Variants in STRA6 observed in about 807,000 individuals in gnomAD.
STRA6 encodes the protein receptor for retinol uptake STRA6.
Under a neutral mutation model 83.6 loss-of-function variants are expected in STRA6, and 48 were observed. The ratio of observed to expected loss-of-function variants is 0.57; its 90% confidence interval spans 0.46 to 0.73. The LOEUF (loss-of-function observed/expected upper bound fraction) is 0.73. Ranked by LOEUF, STRA6 falls within the 30% of genes least tolerant of loss-of-function variation. The pLI, the probability that STRA6 is intolerant of heterozygous loss-of-function variation, is 0.00. For synonymous variants in STRA6, 353 were observed against 362.3 expected (o/e 0.97, Z 0.29); for missense variants, 760 against 838.8 (o/e 0.91, Z 1.16).
At position 74,202,135 on chromosome 15, in the gene STRA6, T is replaced by C; in HGVS notation, c.113+20A>G. ...CATTCTGATGGCTGACAGAGTGAGG[T>C]GGGGTGGTTCCACACTTACCCCTCT... On this transcript the variant is annotated intron_variant, in intron 2 of 18. Transcript: ENST00000395105. 1 of 1,471,984 alleles carries C rather than the reference T, an allele frequency of 6.8e-7. No individual in the cohort carries two copies. The highest frequency in any genetic ancestry group is 9.0e-7 in the Non-Finnish European group (1 of 1,112,118). The allele number at this position is 1,471,984 out of a possible 1,614,324, so 91.2% of individuals were successfully genotyped here.
upstream of STRA6, among the ~76,000 whole-genome samples, chr15:74,207,496 C>T (rs1309701530): frequency 6.6e-6 from 1 of 152,192 alleles, no homozygotes; most frequent in African/African-American, 2.4e-5. Flanking sequence ...ACAAGATGTT[C>T]AAAAGCCTGT....
chr15:74,201,319 T>C (rs1259661790), intron 2 of STRA6, among the ~76,000 whole-genome samples: 1 of 152,114 alleles, frequency 6.6e-6, no homozygotes, highest in African/African-American at 2.4e-5. Flanking sequence ...CAGCCTCACC[T>C]TTCTACTTCT....
intron 12 of STRA6, among the ~76,000 whole-genome samples, chr15:74,186,267 T>C (rs1266498622): frequency 6.6e-6 from 1 of 152,236 alleles, no homozygotes; most frequent in Non-Finnish European, 1.5e-5. Context: ...CAGAAATGAA[T>C]TGAAATCAAC....
chr15:74,191,792 C>T (rs763600186), intron 8 of STRA6: 92 of 491,690 alleles, frequency 1.9e-4, no homozygotes, highest in Non-Finnish European at 3.0e-4. Flanking sequence ...CATCTCTTCA[C>T]CGTTTCTTCC....
At chr15:74,202,559 C>T in intron 1 of STRA6, 154 bp downstream of exon 1, 1 of 1,469,816 alleles carries the variant, frequency 6.8e-7, no homozygotes, top group Non-Finnish European at 9.0e-7. Context: ...CTTGGGGCCC[C>T]GGGGCTCCCG....
In STRA6 at chr15:74,180,875, C is replaced by T. The variant is rs2072943607; in HGVS notation, c.1747G>A (p.Ala583Thr). 16 of 1,614,088 alleles carry T rather than the reference C, an allele frequency of 9.9e-6. No individual in the cohort carries two copies. Among genetic ancestry groups the T allele is most frequent in the Non-Finnish European group, 1.4e-5 (16 of 1,180,008 alleles). Residue 583 changes from alanine (A) to threonine (T), a missense_variant, in exon 18 of 19, where the codon GCC (alanine) becomes ACC (threonine). By Grantham distance (58) the Ala-to-Thr change is moderately conservative. Coordinates refer to ENST00000395105, the MANE Select transcript of STRA6 (RefSeq NM_022369.4). Reference protein sequence around the residue: ...EVSQSHPAMTAFCSLLLQAQS... With the variant: ...EVSQSHPAMTTFCSLLLQAQS... ...GCTTGCAGGAGCAGGGAGCAGAAGG[C>T]TGTCATGGCTGGATGCGACTGGCTG...
intron 14 of STRA6, 85 bp from the exon 15 acceptor site, chr15:74,182,545 T>C (rs2073049659): frequency 1.7e-6 from 2 of 1,170,712 alleles, no homozygotes; most frequent in Admixed American, 2.0e-5. Context: ...CCAAGGGCTT[T>C]GGGATTGGGC....
At chr15:74,197,609 T>G in intron 3 of STRA6, 143 bp downstream of exon 3, 2 of 1,273,692 alleles carry the variant, frequency 1.6e-6, no homozygotes, top group Non-Finnish European at 2.2e-6. Flanking sequence ...GGTTTGGGCC[T>G]CCAAGCTGGG....
intron 7 of STRA6, 103 bp downstream of exon 7, chr15:74,195,199 G>A: frequency 1.3e-6 from 2 of 1,544,288 alleles, no homozygotes; most frequent in Non-Finnish European, 1.7e-6. Flanking sequence ...ATGGAAGGCT[G>A]CAGGGCGGCC....
At chr15:74,189,540 C>G (rs2073428374) in intron 11 of STRA6, among the ~76,000 whole-genome samples, 1 of 152,142 alleles carries the variant, frequency 6.6e-6, no homozygotes. Flanking sequence ...TCTGTGGGTT[C>G]CACATCCACA....
chr15:74,200,273 G>A (rs1210828152), intron 2 of STRA6, among the ~76,000 whole-genome samples: 1 of 152,198 alleles, frequency 6.6e-6, no homozygotes, highest in Non-Finnish European at 1.5e-5. Flanking sequence ...AAGAAGGGGA[G>A]AGGCAGCTCC....
At chr15:74,194,033 G>C in intron 7 of STRA6, 111 bp from the exon 8 acceptor site, 3 of 1,531,684 alleles carry the variant, frequency 2.0e-6, no homozygotes, top group Non-Finnish European at 2.7e-6. Flanking sequence ...GGTCTGGGGG[G>C]CCATGGGAAG....
chr15:74,204,261 G>A (rs1216646272), upstream of STRA6, among the ~76,000 whole-genome samples: 2 of 152,242 alleles, frequency 1.3e-5, no homozygotes, highest in Admixed American at 6.5e-5. Flanking sequence ...CGGAGGGCGG[G>A]ACTCTATCCC....
rs754439362 is a variant in STRA6, at chr15:74,191,159, C to A, written c.865+8G>T. The A allele has an allele frequency of 6.2e-7, 1 of 1,613,808 alleles. No homozygotes were observed. The highest frequency in any genetic ancestry group is 8.5e-7 in the Non-Finnish European group (1 of 1,179,936). The stretch of plus-strand genomic sequence containing the variant: ...TGTCACGCTCGGCCTCAGCTCCCAA[C>A]CCCATACCTGGCTGTGGAGTGTAGA... On this transcript the variant is annotated splice_region_variant and intron_variant, in intron 10 of 18. Transcript: ENST00000395105.
At chr15:74,208,475 T>C (rs1169814987) in intron 1 of STRA6, among the ~76,000 whole-genome samples, 2 of 152,090 alleles carry the variant, frequency 1.3e-5, no homozygotes, top group African/African-American at 4.8e-5. Flanking sequence ...TCCCCTGACT[T>C]CTCTCTCCTT....
upstream of STRA6, chr15:74,209,568 C>G (rs1434175631): frequency 3.8e-6 from 3 of 793,144 alleles, no homozygotes; most frequent in African/African-American, 5.2e-5. Context: ...TGAAAAAGGC[C>G]CCCTCGGAGC....
chr15:74,203,876 C>T (rs1010201694), upstream of STRA6, among the ~76,000 whole-genome samples: 5 of 151,064 alleles, frequency 3.3e-5, no homozygotes, highest in South Asian at 2.1e-4. Flanking sequence ...GGGGAAAGTC[C>T]GCTGAGCAGA....
At chr15:74,194,658 T>G in intron 7 of STRA6, 1 of 829,046 alleles carries the variant, frequency 1.2e-6, no homozygotes, top group Non-Finnish European at 1.6e-6. Context: ...CTAGGGACTG[T>G]TTGTCTTGTT....
chr15:74,184,874 C>G, intron 13 of STRA6, 106 bp downstream of exon 13: 1 of 1,157,344 alleles, frequency 8.6e-7, no homozygotes, highest in Non-Finnish European at 1.3e-6. Flanking sequence ...CAGCCCGGGC[C>G]GGCAGAGCCC....
Sources: gnomAD v4.1 joint callset for allele counts (sites outside exome capture counted in the v4.1 genomes callset) on GRCh38, gnomAD v4.1.1 for gene constraint, MANE v1.5 for transcripts, NCBI Gene and HGNC (gene_info 2026-07-23, HGNC 2026-07-21) for gene names.